PCDH15: variants seen among roughly 807,000 people sequenced by gnomAD.
PCDH15 encodes the protein protocadherin related 15, also known as protocadherin-15.
In PCDH15, 129 loss-of-function variants were observed where a neutral mutation model predicts 178.5. The observed-to-expected ratio is 0.72, with a 90% CI of 0.63 to 0.84. The LOEUF is 0.84. Ranked by LOEUF, PCDH15 falls within the 40% of genes least tolerant of loss-of-function variation. PCDH15 has a pLI of 0.00. For synonymous variants in PCDH15, 800 were observed against 732.0 expected (o/e 1.09, Z -1.50); for missense variants, 2,230 against 2,099.9 (o/e 1.06, Z -1.21).
intron 2 of PCDH15, among the ~76,000 whole-genome samples, chr10:55,418,848 C>A (rs1436266350): frequency 6.6e-6 from 1 of 151,502 alleles, no homozygotes; most frequent in African/African-American, 2.4e-5. Context: ...TGGAGGCAAA[C>A]CTTAAAATAA....
At chr10:54,013,903 A>T (rs1300761291) in intron 20 of PCDH15, among the ~76,000 whole-genome samples, 1 of 152,092 alleles carries the variant, frequency 6.6e-6, no homozygotes, top group Non-Finnish European at 1.5e-5. Flanking sequence ...AATAACCAAA[A>T]TCAGAGCTCA....
intron 2 of PCDH15, among the ~76,000 whole-genome samples, chr10:55,495,085 A>G (rs958489217): frequency 1.3e-5 from 2 of 151,804 alleles, no homozygotes; most frequent in African/African-American, 4.8e-5. Context: ...CTATCAAACC[A>G]TACATAAAAG....
chr10:55,199,781 C>A (rs575548682), intron 1 of PCDH15, among the ~76,000 whole-genome samples: 3 of 152,104 alleles, frequency 2.0e-5, no homozygotes, highest in Non-Finnish European at 4.4e-5. Context: ...TAGCTCCAGC[C>A]GTGGCTGAAA....
At chr10:55,483,434 C>T (rs1397551268) in intron 2 of PCDH15, among the ~76,000 whole-genome samples, 2 of 151,660 alleles carry the variant, frequency 1.3e-5, no homozygotes, top group African/African-American at 4.8e-5. Context: ...CATCTAACGC[C>T]AGTCAGAATG....
At chr10:54,287,398 T>C (rs1206052487) in intron 8 of PCDH15, among the ~76,000 whole-genome samples, 3 of 152,186 alleles carry the variant, frequency 2.0e-5, no homozygotes, top group Non-Finnish European at 4.4e-5. Flanking sequence ...TTCTGTTTCA[T>C]GTAGCACATT....
At chr10:55,608,502 G>C (rs1218277045) in intron 2 of PCDH15, among the ~76,000 whole-genome samples, 1 of 151,586 alleles carries the variant, frequency 6.6e-6, no homozygotes, top group Non-Finnish European at 1.5e-5. Context: ...GTAAAAATTA[G>C]ATCTCTTTTC....
chr10:54,527,987 T>C, intron 2 of PCDH15, 110 bp from the exon 3 acceptor site: 1 of 802,034 alleles, frequency 1.2e-6, no homozygotes, highest in Non-Finnish European at 2.1e-6. Context: ...TCTTGCAATC[T>C]AATTAATATG....
At chr10:53,936,583 G>A (rs2085595258) in intron 25 of PCDH15, among the ~76,000 whole-genome samples, 1 of 152,058 alleles carries the variant, frequency 6.6e-6, no homozygotes, top group Non-Finnish European at 1.5e-5. Context: ...AATGTTCCAA[G>A]TAAAATGTTA....
chr10:55,096,169 C>A (rs988465892), intron 2 of PCDH15, among the ~76,000 whole-genome samples: 2 of 152,062 alleles, frequency 1.3e-5, no homozygotes, highest in African/African-American at 4.8e-5. Flanking sequence ...AAAAAAAATT[C>A]TATAATTTCC....
intron 18 of PCDH15, among the ~76,000 whole-genome samples, chr10:54,065,142 A>G (rs80175299): frequency 0.024 from 3,716 of 152,300 alleles, 156 homozygotes; most frequent in African/African-American, 0.083. Flanking sequence ...AGAAAATCCA[A>G]AAACTTGGCA....
At chr10:55,324,539 T>C (rs1843982345), upstream of PCDH15, among the ~76,000 whole-genome samples, 1 of 152,114 alleles carries the variant, frequency 6.6e-6, no homozygotes, top group Non-Finnish European at 1.5e-5. Context: ...GTATCCTAAA[T>C]AGGCATGCAC....
chr10:54,577,494 C>G (rs2090603882), intron 2 of PCDH15, among the ~76,000 whole-genome samples: 1 of 151,496 alleles, frequency 6.6e-6, no homozygotes, highest in Non-Finnish European at 1.5e-5. Flanking sequence ...ACTGTTCTCA[C>G]ATTAAGAAAT....
rs1554800566 is a variant in PCDH15, at chr10:55,582,628, ATT to A, written c.-156+44995_-156+44996del. ...TATATATATATATATATATATATAT[ATT>A]TTTTTTTTTTTGCTATATTTGATGA... On this transcript the variant is annotated intron_variant, in intron 2 of 5. Transcript: ENST00000613346. Among the ~76,000 whole-genome samples, 83 of 69,040 alleles carry A rather than the reference ATT, an allele frequency of 1.2e-3. 1 individual carries two copies. The highest frequency in any genetic ancestry group is 1.6e-3 in the African/African-American group (24 of 15,092). 45.3% of individuals were successfully genotyped at this position (69,040 alleles called of 152,430 possible). A position where few individuals can be genotyped will look rare whatever the true frequency, so the allele number is the denominator to read the frequency against.
intron 1 of PCDH15, among the ~76,000 whole-genome samples, chr10:55,237,017 T>C (rs1841402080): frequency 6.6e-6 from 1 of 152,140 alleles, no homozygotes; most frequent in South Asian, 2.1e-4. Flanking sequence ...TTGGGCTTAA[T>C]AACATATCAA....
At chr10:54,948,250 G>T (rs368309453) in intron 2 of PCDH15, among the ~76,000 whole-genome samples, 2 of 151,920 alleles carry the variant, frequency 1.3e-5, no homozygotes, top group African/African-American at 4.8e-5. Flanking sequence ...GACCTAAAAA[G>T]AGCCATTATT....
At chr10:55,610,474 T>C (rs1589183493) in intron 2 of PCDH15, among the ~76,000 whole-genome samples, 1 of 152,092 alleles carries the variant, frequency 6.6e-6, no homozygotes, top group Admixed American at 6.5e-5. Flanking sequence ...CCAATCTCGG[T>C]TACAAAGAGT....
At chr10:54,112,933 C>G (rs890830473) in intron 15 of PCDH15, among the ~76,000 whole-genome samples, 1 of 152,122 alleles carries the variant, frequency 6.6e-6, no homozygotes, top group Non-Finnish European at 1.5e-5. Flanking sequence ...AGTTTTCAGT[C>G]TCTTGAGAAA....
intron 3 of PCDH15, among the ~76,000 whole-genome samples, chr10:54,522,087 CAAAAAAAAAAAAAAA>C (rs11313978): frequency 3.4e-5 from 2 of 58,892 alleles, no homozygotes; most frequent in African/African-American, 1.3e-4. Flanking sequence ...GAATCCATCT[CAAAAAAAAAAAAAAA>C]AAAAAAAAGG....
At chr10:54,383,239 GA>G (rs925807702) in intron 3 of PCDH15, among the ~76,000 whole-genome samples, 21 of 140,526 alleles carry the variant, frequency 1.5e-4, no homozygotes, top group Admixed American at 2.8e-4. Flanking sequence ...ATACCAGCAA[GA>G]AAAAAAAAAG....
Sources: gnomAD v4.1 joint callset for allele counts (sites outside exome capture counted in the v4.1 genomes callset) on GRCh38, gnomAD v4.1.1 for gene constraint, MANE v1.5 for transcripts, NCBI Gene and HGNC (gene_info 2026-07-23, HGNC 2026-07-21) for gene names.